Variants in NKAIN1 observed in about 807,000 individuals in gnomAD.
NKAIN1 encodes sodium/potassium-transporting ATPase subunit beta-1-interacting protein 1.
In NKAIN1, 13 loss-of-function variants were observed where a neutral mutation model predicts 31.6. The ratio of observed to expected loss-of-function variants is 0.41; its 90% CI spans 0.27 to 0.65. The LOEUF is 0.65. Ranked by LOEUF, NKAIN1 falls within the 30% of genes least tolerant of loss-of-function variation. The pLI, the probability that NKAIN1 is intolerant of heterozygous loss-of-function variation, is 0.30. For missense variants in NKAIN1, 193 were observed against 262.2 expected (o/e 0.74, Z 1.82); for synonymous variants, 104 against 109.0 (o/e 0.95, Z 0.28).
rs3046278 is a variant in NKAIN1, at chr1:31,183,436, C to CTTTTTT, written c.471+375_471+380dup. 2.9e-3 allele frequency among the ~76,000 whole-genome samples: 308 copies of CTTTTTT among 106,638 alleles called. 16 individuals are homozygous for CTTTTTT. Among genetic ancestry groups the CTTTTTT allele is most frequent in the East Asian group, 0.011 (33 of 2,962 alleles). 70.0% of individuals were successfully genotyped at this position (106,638 alleles called of 152,430 possible). A position where few individuals can be genotyped will look rare whatever the true frequency, so the allele number is the denominator to read the frequency against. ...GGCGGAAGACCTAGGTTCATTCCCT[C>CTTTTTT]TTTTTTTTTTTTTTTTTTTTTTTTT... On this transcript the variant is annotated intron_variant, in intron 4 of 6. Transcript: ENST00000373736.
intron 1 of NKAIN1, 122 bp from the exon 2 acceptor site, chr1:31,188,309 C>T (rs764172506): frequency 9.5e-7 from 1 of 1,056,614 alleles, no homozygotes; most frequent in Non-Finnish European, 1.4e-6. Context: ...AGCCTCAGAA[C>T]AATCCAGTCC....
At chr1:31,195,420 C>T (rs1645317598) in intron 1 of NKAIN1, among the ~76,000 whole-genome samples, 1 of 152,022 alleles carries the variant, frequency 6.6e-6, no homozygotes, top group Non-Finnish European at 1.5e-5. Context: ...CCGCGCCTGG[C>T]CTTTCTTTCT....
intron 1 of NKAIN1, among the ~76,000 whole-genome samples, chr1:31,214,081 A>G (rs1273367331): frequency 2.0e-5 from 3 of 152,098 alleles, no homozygotes; most frequent in Non-Finnish European, 4.4e-5. Flanking sequence ...TCCATACAAC[A>G]GAATATTATT....
chr1:31,193,415 A>G (rs12735162), intron 1 of NKAIN1, among the ~76,000 whole-genome samples: 2 of 151,688 alleles, frequency 1.3e-5, no homozygotes, highest in Non-Finnish European at 2.9e-5. Flanking sequence ...AACCAAGTCA[A>G]GGCCGGTGCA....
Position 31,239,794 on chromosome 1 carries a change from G to T in NKAIN1, c.-247C>A, listed in dbSNP as rs1429018730. Among the ~76,000 whole-genome samples, 1 of 151,814 alleles carries T rather than the reference G, an allele frequency of 6.6e-6. No individual in the cohort carries two copies. Among genetic ancestry groups the T allele is most frequent in the Non-Finnish European group, 1.5e-5 (1 of 67,910 alleles). On this transcript the variant is annotated 5_prime_UTR_variant, in exon 1 of 7. Transcript: ENST00000373736. This position sits in a 1 kb window ranked among gnomAD's most constrained non-coding sequence, Gnocchi z 4.8. ...CCGCGCCTCCTTTGTCTAGCGGGCCGTCCGTCAGGCGCGCCTCCTGCCCCG... is the reference window on the plus strand; with the variant it reads ...CCGCGCCTCCTTTGTCTAGCGGGCCTTCCGTCAGGCGCGCCTCCTGCCCCG...
At chr1:31,200,013 GCACACACACACGCA>G in intron 1 of NKAIN1, among the ~76,000 whole-genome samples, 1 of 95,284 alleles carries the variant, frequency 1.0e-5, no homozygotes, top group East Asian at 2.5e-4. Context: ...GCACACACAT[GCACACACACACGCA>G]CACACACACA....
chr1:31,235,917 T>A (rs183349011), intron 1 of NKAIN1, among the ~76,000 whole-genome samples: 26 of 152,270 alleles, frequency 1.7e-4, no homozygotes, highest in Admixed American at 8.5e-4. Flanking sequence ...GGGGGTCACC[T>A]GGATATGTTT....
intron 1 of NKAIN1, among the ~76,000 whole-genome samples, chr1:31,225,018 T>TTTTTA (rs1645591869): frequency 7.3e-6 from 1 of 137,522 alleles, no homozygotes; most frequent in East Asian, 2.1e-4. Flanking sequence ...AGCCCATTTC[T>TTTTTA]TTTTCTTTTC....
Position 31,231,911 on chromosome 1 carries a change from C to CT in NKAIN1, c.54+7582dup, listed in dbSNP as rs751272398. ...TCTCTCTGTGCCTGGCTGGAACTAG[C>CT]TTTTTTTTTTTTTTTAATTTTTTTT... On this transcript the variant is annotated intron_variant, in intron 1 of 6. Transcript: ENST00000373736. Among the ~76,000 whole-genome samples the CT allele has an allele frequency of 3.7e-3, 510 of 138,414 alleles. 1 individual carries two copies. The highest frequency in any genetic ancestry group is 7.2e-3 in the Middle Eastern group (2 of 276). 90.8% of individuals were successfully genotyped at this position (138,414 alleles called of 152,430 possible). A position where few individuals can be genotyped will look rare whatever the true frequency, so the allele number is the denominator to read the frequency against.
intron 1 of NKAIN1, among the ~76,000 whole-genome samples, chr1:31,214,693 G>A (rs564135565): frequency 6.6e-6 from 1 of 152,330 alleles, no homozygotes; most frequent in Admixed American, 6.5e-5. Flanking sequence ...CTGCGAGGAA[G>A]TGATCTGAAG....
At chr1:31,198,543 C>G (rs1323114997) in intron 1 of NKAIN1, among the ~76,000 whole-genome samples, 1 of 132,188 alleles carries the variant, frequency 7.6e-6, no homozygotes, top group Admixed American at 8.4e-5. Flanking sequence ...CAAGCCCTGG[C>G]TCTCTGGGAT....
At chr1:31,214,686 C>T (rs997439257) in intron 1 of NKAIN1, among the ~76,000 whole-genome samples, 1 of 152,006 alleles carries the variant, frequency 6.6e-6, no homozygotes, top group East Asian at 1.9e-4. Context: ...AAGACTTCTG[C>T]GAGGAAGTGA....
At chr1:31,200,156 G>T (rs2377720) in intron 1 of NKAIN1, among the ~76,000 whole-genome samples, 108,263 of 152,124 alleles carry the variant, frequency 0.71, 39,823 homozygotes, top group Middle Eastern at 0.9. Context: ...TTGCAGCCTT[G>T]CTGCCTCTCT....
chr1:31,192,696 G>A (rs1048605458), intron 1 of NKAIN1, among the ~76,000 whole-genome samples: 4 of 151,904 alleles, frequency 2.6e-5, no homozygotes, highest in South Asian at 2.1e-4. Context: ...GACTACAGGC[G>A]CATCCCACCA....
At chr1:31,188,725 G>A (rs1645263157) in intron 1 of NKAIN1, among the ~76,000 whole-genome samples, 1 of 152,098 alleles carries the variant, frequency 6.6e-6, no homozygotes, top group South Asian at 2.1e-4. Context: ...CACTAATGCT[G>A]TGCTTGCCCA....
At chr1:31,198,990 A>G (rs533366484) in intron 1 of NKAIN1, among the ~76,000 whole-genome samples, 1 of 152,326 alleles carries the variant, frequency 6.6e-6, no homozygotes, top group Non-Finnish European at 1.5e-5. Context: ...ACCCATCAGA[A>G]GTCTCTCGTG....
chr1:31,238,187 A>G (rs1280902100), intron 1 of NKAIN1, among the ~76,000 whole-genome samples: 1 of 152,224 alleles, frequency 6.6e-6, no homozygotes, highest in Admixed American at 6.5e-5. Flanking sequence ...TGCCCAGGCC[A>G]GGTCTGTGGA....
chr1:31,206,731 C>G (rs551040138), intron 1 of NKAIN1, among the ~76,000 whole-genome samples: 9 of 151,848 alleles, frequency 5.9e-5, no homozygotes, highest in African/African-American at 9.7e-5. Context: ...GCCACTGCAC[C>G]TGGCCTATTT....
rs1645197494 is a variant in NKAIN1 at position 31,181,541 on chromosome 1, A to C, written c.*162T>G. On this transcript the variant is annotated 3_prime_UTR_variant, in exon 7 of 7. Coordinates refer to ENST00000373736, the MANE Select transcript of NKAIN1 (RefSeq NM_024522.3). ...CAAGCTCAAATCCAAGTCCAAGTCCAAGTCCACGTCCAAGTCCGCATCTCC... is the reference window on the plus strand; with the variant it reads ...CAAGCTCAAATCCAAGTCCAAGTCCCAGTCCACGTCCAAGTCCGCATCTCC... 1.7e-6 allele frequency: 1 copy of C among 597,284 alleles called. No homozygotes were observed. Among genetic ancestry groups the C allele is most frequent in the African/African-American group, 1.9e-5 (1 of 51,446 alleles). The allele number at this position is 597,284 out of a possible 1,614,324, so 37.0% of individuals were successfully genotyped here. A position where few individuals can be genotyped will look rare whatever the true frequency, so the allele number is the denominator to read the frequency against.
Sources: allele counts gnomAD v4.1 joint callset (sites outside exome capture counted in the v4.1 genomes callset), GRCh38; gene constraint gnomAD v4.1.1; non-coding constraint Gnocchi (gnomAD v3.1); transcripts MANE v1.5; gene names NCBI Gene and HGNC (gene_info 2026-07-23, HGNC 2026-07-21).